Variants in ACTR3C observed in about 807,000 individuals in gnomAD.
ACTR3C encodes actin related protein 3C, also known as actin-related protein 3C.
A neutral mutation model predicts 26.3 loss-of-function variants in ACTR3C; 18 were observed. That is an observed-to-expected ratio of 0.68 (90% CI 0.47 to 1.01). The LOEUF (loss-of-function observed/expected upper bound fraction) is 1.01, where lower values mean the gene tolerates loss of function less well. ACTR3C is among the 50% of genes least tolerant of loss of function. The pLI, the probability that ACTR3C is intolerant of heterozygous loss-of-function variation, is 0.00. For missense variants in ACTR3C, 184 were observed against 250.7 expected (o/e 0.73, Z 1.80); for synonymous variants, 55 against 94.5 (o/e 0.58, Z 2.42).
At chr7:149,962,034 G>A in the ACTR3C span, among the ~76,000 whole-genome samples, 1 of 152,058 alleles carries the variant, frequency 6.6e-6, no homozygotes, top group African/African-American at 2.4e-5. Flanking sequence ...CAGGAAGTGT[G>A]GGTTCACAGG....
chr7:149,982,898 G>A, the ACTR3C span, among the ~76,000 whole-genome samples: 1 of 152,122 alleles, frequency 6.6e-6, no homozygotes, highest in Non-Finnish European at 1.5e-5. Context: ...TAATTGCCCT[G>A]GCAAGGACTT....
chr7:150,010,481 G>A, the ACTR3C span, among the ~76,000 whole-genome samples: 7 of 152,120 alleles, frequency 4.6e-5, no homozygotes, highest in Admixed American at 4.6e-4. Context: ...GGATCATGAG[G>A]TCAGGAGTTT....
the ACTR3C span, among the ~76,000 whole-genome samples, chr7:150,121,153 C>T: frequency 2.6e-5 from 4 of 152,210 alleles, no homozygotes; most frequent in Non-Finnish European, 4.4e-5. Context: ...AAGCTGGAAA[C>T]ATTCCCTTTG....
the ACTR3C span, among the ~76,000 whole-genome samples, chr7:149,945,132 T>G: frequency 6.6e-6 from 1 of 151,210 alleles, no homozygotes; most frequent in African/African-American, 2.4e-5. Flanking sequence ...TTGGGGAGCA[T>G]GATGTTAATA....
the ACTR3C span, among the ~76,000 whole-genome samples, chr7:149,948,783 C>T: frequency 1.3e-5 from 2 of 151,904 alleles, no homozygotes; most frequent in Non-Finnish European, 2.9e-5. Flanking sequence ...CATGAGTAGC[C>T]ATAGGACCTC....
the ACTR3C span, among the ~76,000 whole-genome samples, chr7:149,940,858 A>G: frequency 0.73 from 108,467 of 147,928 alleles, 42,466 homozygotes; most frequent in Non-Finnish European, 0.88. Context: ...GGGGAAGACA[A>G]GCTGGGCTCA....
chr7:150,267,483 T>C (rs1834129976), intron 6 of ACTR3C, among the ~76,000 whole-genome samples: 1 of 152,216 alleles, frequency 6.6e-6, no homozygotes, highest in East Asian at 1.9e-4. Context: ...AGTAGCCACC[T>C]TAGTGGTCAG....
At chr7:150,138,343 G>C in the ACTR3C span, among the ~76,000 whole-genome samples, 1 of 152,232 alleles carries the variant, frequency 6.6e-6, no homozygotes, top group Non-Finnish European at 1.5e-5. Flanking sequence ...GAAGGAGGAA[G>C]TGAGCTTCAG....
chr7:150,035,584 G>C, the ACTR3C span, among the ~76,000 whole-genome samples: 12 of 130,710 alleles, frequency 9.2e-5, 2 homozygotes, highest in South Asian at 2.4e-4. Context: ...AGAGGGACTG[G>C]CTCTCAGTAA....
the ACTR3C span, among the ~76,000 whole-genome samples, chr7:150,128,874 G>A: frequency 0.64 from 94,669 of 148,926 alleles, 29,787 homozygotes; most frequent in African/African-American, 0.82. Flanking sequence ...TTGAGCTTAC[G>A]AGGGCCCCAG....
the ACTR3C span, chr7:150,041,594 G>C: frequency 7.0e-6 from 1 of 142,270 alleles, no homozygotes; most frequent in Admixed American, 7.0e-5. Context: ...GCCAGTGGGG[G>C]AACCAGGGGC....
the ACTR3C span, among the ~76,000 whole-genome samples, chr7:149,919,186 AAAT>A: frequency 6.6e-6 from 1 of 151,998 alleles, no homozygotes; most frequent in South Asian, 2.1e-4. Context: ...TTTTGCAATC[AAAT>A]AATACTCACG....
chr7:150,094,692 G>A, the ACTR3C span, among the ~76,000 whole-genome samples: 4 of 150,562 alleles, frequency 2.7e-5, no homozygotes, highest in Admixed American at 6.6e-5. Context: ...GCTTCAGCCC[G>A]CCTGACCCCA....
the ACTR3C span, among the ~76,000 whole-genome samples, chr7:149,901,910 CAAAAAAAAAAAAAAAAAAA>C: frequency 3.5e-5 from 2 of 56,742 alleles, no homozygotes; most frequent in Non-Finnish European, 5.9e-5. Context: ...GACTCTGTCT[CAAAAAAAAAAAAAAAAAAA>C]AAAAAAAAAA....
chr7:149,929,114 A>AT, the ACTR3C span, among the ~76,000 whole-genome samples: 3 of 152,208 alleles, frequency 2.0e-5, no homozygotes, highest in African/African-American at 7.2e-5. Context: ...AACCATCACC[A>AT]TAATTAGTAA....
At chr7:150,019,416 A>T in the ACTR3C span, among the ~76,000 whole-genome samples, 3 of 149,326 alleles carry the variant, frequency 2.0e-5, no homozygotes, top group Non-Finnish European at 4.4e-5. Context: ...ACAAGGTGAA[A>T]CCCCATCTCT....
the ACTR3C span, among the ~76,000 whole-genome samples, chr7:150,082,169 G>T: frequency 2.6e-5 from 4 of 152,154 alleles, no homozygotes; most frequent in African/African-American, 9.7e-5. Context: ...AGGGACACTT[G>T]CCTGTTCCTA....
At chr7:150,208,752 C>T in the ACTR3C span, among the ~76,000 whole-genome samples, 2 of 152,110 alleles carry the variant, frequency 1.3e-5, no homozygotes, top group Non-Finnish European at 2.9e-5. Flanking sequence ...CAATATCTGG[C>T]ATCCAATCAA....
the ACTR3C span, among the ~76,000 whole-genome samples, chr7:150,211,477 C>T: frequency 2.0e-5 from 3 of 151,586 alleles, no homozygotes; most frequent in African/African-American, 4.9e-5. Context: ...GATGGGGTTT[C>T]GCCATGTTGG....
Sources: allele counts gnomAD v4.1 joint callset (sites outside exome capture counted in the v4.1 genomes callset), GRCh38; gene constraint gnomAD v4.1.1; transcripts MANE v1.5; gene names NCBI Gene and HGNC (gene_info 2026-07-23, HGNC 2026-07-21).